The following BLTP1 variants were observed in gnomAD, a reference collection of about 807,000 sequenced individuals.
The protein encoded by BLTP1 is bridge-like lipid transfer protein family member 1, also known as fragile site-associated protein.
the BLTP1 span, chr4:122,353,991 A>G: frequency 1.2e-6 from 2 of 1,613,662 alleles, no homozygotes; most frequent in Non-Finnish European, 1.7e-6. This position sits in a 1 kb window ranked among gnomAD's most constrained non-coding sequence, Gnocchi z 4.3. Flanking sequence ...GAATGGTTCA[A>G]TTATGTTACA....
chr4:122,354,943 G>T, the BLTP1 span, among the ~76,000 whole-genome samples: 3 of 152,100 alleles, frequency 2.0e-5, no homozygotes, highest in Admixed American at 6.6e-5. Flanking sequence ...GGGATTACAG[G>T]CATGAGCCAC....
At chr4:122,169,895 G>A in the BLTP1 span, 3 of 985,038 alleles carry the variant, frequency 3.0e-6, no homozygotes, top group Non-Finnish European at 3.6e-6. Context: ...GTGATGGAGG[G>A]TAAGAGGGAT....
chr4:122,187,982 C>G, the BLTP1 span: 1 of 1,597,054 alleles, frequency 6.3e-7, no homozygotes, highest in Non-Finnish European at 8.5e-7. Flanking sequence ...TACAAAACCA[C>G]CTTCAAGTCA....
At chr4:122,185,484 T>G in the BLTP1 span, 4 of 901,026 alleles carry the variant, frequency 4.4e-6, no homozygotes, top group Non-Finnish European at 5.3e-6. Flanking sequence ...ATGGATTCAT[T>G]AATTACTATT....
chr4:122,237,062 T>C, the BLTP1 span: 2 of 984,610 alleles, frequency 2.0e-6, no homozygotes, highest in East Asian at 2.3e-4. Context: ...TTGACTTTCA[T>C]TGCTCTATTT....
At chr4:122,185,799 C>T in the BLTP1 span, among the ~76,000 whole-genome samples, 1 of 151,818 alleles carries the variant, frequency 6.6e-6, no homozygotes, top group Non-Finnish European at 1.5e-5. Context: ...CAGTATATAA[C>T]TGGAATCTAG....
the BLTP1 span, chr4:122,187,903 G>A: frequency 1.3e-6 from 2 of 1,572,304 alleles, no homozygotes; most frequent in Non-Finnish European, 1.7e-6. Context: ...AGGGACGTTT[G>A]GCCTTTGGAA....
chr4:122,298,580 CAT>C, the BLTP1 span: 20 of 832,548 alleles, frequency 2.4e-5, no homozygotes, highest in East Asian at 7.4e-4. Context: ...ACTTTAAAAA[CAT>C]ATGACCCCAA....
At chr4:122,245,259 A>G in the BLTP1 span, 2 of 832,302 alleles carry the variant, frequency 2.4e-6, no homozygotes. Context: ...ATGTTCTAAA[A>G]GCGTTTATAT....
At chr4:122,279,971 C>T in the BLTP1 span, 1 of 1,613,994 alleles carries the variant, frequency 6.2e-7, no homozygotes, top group Non-Finnish European at 8.5e-7. Context: ...AATCAGACAG[C>T]CTTCTACAGC....
the BLTP1 span, chr4:122,336,686 C>A: frequency 1.0e-6 from 1 of 964,924 alleles, no homozygotes; most frequent in African/African-American, 1.8e-5. Context: ...TTTGGTATAG[C>A]AGCAGGAAAA....
chr4:122,349,697 G>T, the BLTP1 span: 3 of 1,548,204 alleles, frequency 1.9e-6, no homozygotes, highest in Non-Finnish European at 2.6e-6. This position sits in a 1 kb window ranked among gnomAD's most constrained non-coding sequence, Gnocchi z 4.5. Context: ...TCAACATATT[G>T]TCTATCATCT....
the BLTP1 span, chr4:122,255,326 C>T: frequency 7.4e-7 from 1 of 1,346,870 alleles, no homozygotes; most frequent in Non-Finnish European, 1.1e-6. Flanking sequence ...ATTCTCTATT[C>T]TGTTGGTGGA....
chr4:122,308,185 A>T, the BLTP1 span: 8 of 1,610,066 alleles, frequency 5.0e-6, no homozygotes, highest in Admixed American at 1.3e-4. Flanking sequence ...GTCATATTCC[A>T]GGATTAAGAG....
chr4:122,346,378 A>G, the BLTP1 span: 1 of 799,976 alleles, frequency 1.3e-6, no homozygotes, highest in Non-Finnish European at 1.5e-6. Flanking sequence ...TGATCTTTAG[A>G]ACTTCTCTGA....
At chr4:122,324,287 T>C in the BLTP1 span, 2 of 818,720 alleles carry the variant, frequency 2.4e-6, no homozygotes, top group Non-Finnish European at 1.7e-6. Context: ...TCCTCCTCTA[T>C]TTTGACTCAT....
the BLTP1 span, chr4:122,347,371 A>G: frequency 4.6e-6 from 6 of 1,294,250 alleles, no homozygotes; most frequent in Non-Finnish European, 6.2e-6. Flanking sequence ...TGTTCTTTGC[A>G]AACTGTAAAT....
At chr4:122,280,019 A>G in the BLTP1 span, 1 of 1,612,318 alleles carries the variant, frequency 6.2e-7, no homozygotes, top group Non-Finnish European at 8.5e-7. Context: ...GTGATTCCAT[A>G]TACTACCTCA....
the BLTP1 span, chr4:122,195,551 G>C: frequency 5.3e-4 from 81 of 153,456 alleles, no homozygotes; most frequent in Middle Eastern, 6.8e-3. Flanking sequence ...TGCGAAAATG[G>C]AGACGCAGAG....
Sources: allele counts gnomAD v4.1 joint callset (sites outside exome capture counted in the v4.1 genomes callset), GRCh38; gene constraint gnomAD v4.1.1; non-coding constraint Gnocchi (gnomAD v3.1); transcripts MANE v1.5; gene names NCBI Gene and HGNC (gene_info 2026-07-23, HGNC 2026-07-21).